GSE1: variants seen among roughly 807,000 people sequenced by gnomAD.
The protein encoded by GSE1 is Gse1 coiled-coil protein, also known as genetic suppressor element 1.
Under a neutral mutation model 112.6 loss-of-function variants are expected in GSE1, and 32 were observed. The observed-to-expected ratio is 0.28, with a 90% CI of 0.21 to 0.38. The LOEUF is 0.38. GSE1 is among the 10% of genes least tolerant of loss of function. The probability of loss-of-function intolerance (pLI) is 1.00; values close to 1 mark genes in which losing one functional copy is unlikely to be tolerated. For synonymous variants in GSE1, 1,115 were observed against 735.6 expected, an observed-to-expected ratio of 1.52 and a Z score of -8.35; for missense variants, 2,348 against 1,699.2, an observed-to-expected ratio of 1.38 and a Z score of -6.71.
At chr16:85,460,793 G>C (rs571223169) in intron 2 of GSE1, among the ~76,000 whole-genome samples, 2 of 151,448 alleles carry the variant, frequency 1.3e-5, no homozygotes, top group African/African-American at 4.9e-5. Flanking sequence ...AACCAGGGAC[G>C]GCAATGGAGA....
Position 85,675,855 on chromosome 16 carries a change from T to C in GSE1, c.*3316T>C, listed in dbSNP as rs945400845. 3 of 152,366 alleles carry C rather than the reference T, an allele frequency of 2.0e-5. No individual in the cohort carries two copies. The highest frequency in any genetic ancestry group is 7.2e-5 in the African/African-American group (3 of 41,482). The allele number at this position is 152,366 out of a possible 1,614,324, so 9.4% of individuals were successfully genotyped here. A position where few individuals can be genotyped will look rare whatever the true frequency, so the allele number is the denominator to read the frequency against. On this transcript the variant is annotated 3_prime_UTR_variant, in exon 16 of 16. Transcript: ENST00000253458. ...CAAGTAACCAAGCTGTTGACTTTCT[T>C]ACTACTTGCAGTAGCCTGTCCCCAA...
chr16:85,605,664 GGGGGGCCACCGGCT>G (rs2047674086), intron 1 of GSE1, among the ~76,000 whole-genome samples: 2 of 151,852 alleles, frequency 1.3e-5, no homozygotes, highest in Non-Finnish European at 2.9e-5. Flanking sequence ...TGCACCCCCG[GGGGGGCCACCGGCT>G]GTGCTCTCCA....
intron 2 of GSE1, among the ~76,000 whole-genome samples, chr16:85,474,351 G>A (rs546593219): frequency 7.9e-5 from 12 of 152,180 alleles, no homozygotes; most frequent in African/African-American, 2.4e-4. Context: ...GCCCTCCTCC[G>A]CATCCTGCCA....
intron 1 of GSE1, among the ~76,000 whole-genome samples, chr16:85,581,629 T>TA (rs2046453271): frequency 6.6e-6 from 1 of 152,114 alleles, no homozygotes; most frequent in Non-Finnish European, 1.5e-5. Flanking sequence ...CGCATGTGCA[T>TA]ATGTGTGCAG....
intron 2 of GSE1, among the ~76,000 whole-genome samples, chr16:85,540,403 T>C (rs932918814): frequency 9.9e-5 from 15 of 152,190 alleles, no homozygotes; most frequent in African/African-American, 2.7e-4. Flanking sequence ...CCCAGCTTAT[T>C]GTGGGGAGGG....
intron 2 of GSE1, among the ~76,000 whole-genome samples, chr16:85,471,175 C>T (rs1047444543): frequency 6.6e-6 from 1 of 152,198 alleles, no homozygotes; most frequent in African/African-American, 2.4e-5. Context: ...CAGAGACGCC[C>T]AGTCCCTGCT....
rs182193028 is a variant in GSE1 at position 85,171,936 on chromosome 16, G to A, written c.2283+129G>A. 1.2e-3 allele frequency: 550 copies of A among 463,820 alleles called. 1 individual carries two copies. The Middle Eastern group carries it at 0.015, about 13-fold the overall frequency. 28.7% of individuals were successfully genotyped at this position (463,820 alleles called of 1,614,324 possible). On this transcript the variant is annotated intron_variant, in intron 1 of 2. Coordinates refer to the GSE1 transcript ENST00000637419. The stretch of plus-strand genomic sequence containing the variant: ...TCACTGGTTCTGTGCGGGGTGTTCC[G>A]GGGGAGGTACCCTCCCTGAGTCACT...
intron 2 of GSE1, among the ~76,000 whole-genome samples, chr16:85,450,161 G>A (rs1006639594): frequency 1.6e-4 from 18 of 112,180 alleles, no homozygotes; most frequent in African/African-American, 2.5e-4. Context: ...CGCTCTTGTC[G>A]CCCAGGTTGG....
intron 2 of GSE1, among the ~76,000 whole-genome samples, chr16:85,544,830 T>C (rs568292977): frequency 6.6e-6 from 1 of 152,212 alleles, no homozygotes; most frequent in South Asian, 2.1e-4. Context: ...CTGGAGTGCC[T>C]GGGGAGAAGA....
chr16:85,601,794 G>A (rs968602495), intron 1 of GSE1, among the ~76,000 whole-genome samples: 5 of 152,276 alleles, frequency 3.3e-5, no homozygotes, highest in Non-Finnish European at 5.9e-5. Flanking sequence ...TTGACCCCGC[G>A]TCCCCAGGGC....
chr16:85,533,954 T>C (rs1217060416), intron 2 of GSE1, among the ~76,000 whole-genome samples: 1 of 152,154 alleles, frequency 6.6e-6, no homozygotes, highest in Admixed American at 6.6e-5. Flanking sequence ...CACTGGTGTC[T>C]GACATATGCG....
Position 85,519,537 on chromosome 16 carries a change from T to C in GSE1, c.2465-114377T>C, listed in dbSNP as rs1351994966. 1.2e-4 allele frequency among the ~76,000 whole-genome samples: 2 copies of C among 16,964 alleles called. 1 individual carries two copies. The highest frequency in any genetic ancestry group is 2.0e-4 in the Non-Finnish European group (2 of 10,034). 11.1% of individuals were successfully genotyped at this position (16,964 alleles called of 152,430 possible). A position where few individuals can be genotyped will look rare whatever the true frequency, so the allele number is the denominator to read the frequency against. The stretch of plus-strand genomic sequence containing the variant: ...TCCATCATCATCACCTTCACCACCA[T>C]CATCACTATTACCACCATCACTATC... On this transcript the variant is annotated intron_variant, in intron 2 of 2. Coordinates refer to the GSE1 transcript ENST00000637419.
rs370148395 is a variant in GSE1 at position 85,286,395 on chromosome 16, G to C, written c.2284-71068G>C. Among the ~76,000 whole-genome samples, 16 of 152,320 alleles carry C rather than the reference G, an allele frequency of 1.1e-4. No individual in the cohort carries two copies. In the East Asian group the frequency reaches 2.9e-3, roughly 28 times the overall value. ...GTGTCTGTGTCTTTGTGCCCGGCTG[G>C]TGCCTCATCTCCCCTCAAATTGCTG... is the stretch of plus-strand genomic sequence containing the variant. On this transcript the variant is annotated intron_variant, in intron 1 of 2. Transcript: ENST00000637419.
intron 2 of GSE1, among the ~76,000 whole-genome samples, chr16:85,364,240 C>T (rs1187856801): frequency 6.6e-6 from 1 of 152,204 alleles, no homozygotes; most frequent in African/African-American, 2.4e-5. Flanking sequence ...CTCAGCGTCT[C>T]TCAGACCCTG....
At chr16:85,396,177 T>C (rs1466633987) in intron 2 of GSE1, among the ~76,000 whole-genome samples, 1 of 152,142 alleles carries the variant, frequency 6.6e-6, no homozygotes, top group South Asian at 2.1e-4. Flanking sequence ...AGGCCCGTCC[T>C]TCCTTGCCCC....
chr16:85,614,605 A>G (rs935174538), intron 1 of GSE1, among the ~76,000 whole-genome samples: 1 of 152,140 alleles, frequency 6.6e-6, no homozygotes, highest in African/African-American at 2.4e-5. Flanking sequence ...GCCTGGCCGC[A>G]GTGCCCGTCT....
rs1164481560 is a variant in GSE1, at chr16:85,632,549, C to T, written c.8-1365C>T. ...AGGTCTTGAGGGGGTCCTCTCCACG[C>T]TGCCTCCGAGCCTGCTGTCCCATGG... On this transcript the variant is annotated intron_variant, in intron 1 of 15. Transcript: ENST00000253458. 2.6e-5 allele frequency among the ~76,000 whole-genome samples: 4 copies of T among 152,316 alleles called. No homozygotes were observed. The East Asian group carries it at 7.7e-4, about 29-fold the overall frequency.
At chr16:85,567,034 GCCCCCACCCCCA>G (rs557302207) in intron 1 of GSE1, among the ~76,000 whole-genome samples, 2,140 of 146,704 alleles carry the variant, frequency 0.015, 31 homozygotes, top group East Asian at 0.1. Context: ...TGTTACTCCC[GCCCCCACCCCCA>G]CCCCCACCCC....
intron 1 of GSE1, among the ~76,000 whole-genome samples, chr16:85,279,551 G>T (rs181781321): frequency 6.6e-6 from 1 of 152,140 alleles, no homozygotes; most frequent in African/African-American, 2.4e-5. Flanking sequence ...AGTCAAGATC[G>T]CACCACTGCA....
Sources: gnomAD v4.1 joint callset for allele counts (sites outside exome capture counted in the v4.1 genomes callset) on GRCh38, gnomAD v4.1.1 for gene constraint, MANE v1.5 for transcripts, NCBI Gene and HGNC (gene_info 2026-07-23, HGNC 2026-07-21) for gene names.